The following FBXW7 variants were observed in gnomAD, a reference collection of about 807,000 sequenced individuals.
The protein encoded by FBXW7 is F-box and WD repeat domain containing 7, also known as F-box/WD repeat-containing protein 7.
Under a neutral mutation model 86.3 loss-of-function variants are expected in FBXW7, and 11 were observed. The ratio of observed to expected loss-of-function variants is 0.13; its 90% CI spans 0.08 to 0.21. The LOEUF (loss-of-function observed/expected upper bound fraction) is 0.21, where lower values mean the gene tolerates loss of function less well. FBXW7 is among the 10% of genes least tolerant of loss of function. The probability of loss-of-function intolerance (pLI) is 1.00; values close to 1 mark genes in which losing one functional copy is unlikely to be tolerated. For missense variants in FBXW7, 488 were observed against 847.4 expected, an observed-to-expected ratio of 0.58 and a Z score of 5.27; for synonymous variants, 313 against 297.9, an observed-to-expected ratio of 1.05 and a Z score of -0.52.
intron 4 of FBXW7, among the ~76,000 whole-genome samples, chr4:152,377,063 A>AGCAAT (rs2126761378): frequency 6.6e-6 from 1 of 152,352 alleles, no homozygotes; most frequent in Non-Finnish European, 1.5e-5. Flanking sequence ...CAATGTCAAC[A>AGCAAT]GCAATAGGCC....
At chr4:152,530,136 C>T (rs1328213653) in intron 2 of FBXW7, 5 of 147,482 alleles carry the variant, frequency 3.4e-5, no homozygotes, top group Admixed American at 2.0e-4. Context: ...TATATATATA[C>T]GTATATATAT....
At chr4:152,424,151 G>A (rs867994774) in intron 2 of FBXW7, among the ~76,000 whole-genome samples, 15 of 152,062 alleles carry the variant, frequency 9.9e-5, no homozygotes, top group African/African-American at 3.6e-4. Flanking sequence ...ACAGGTGAAA[G>A]CCACCGTACC....
At chr4:152,507,893 G>GA (rs540341471) in intron 2 of FBXW7, among the ~76,000 whole-genome samples, 2,258 of 140,692 alleles carry the variant, frequency 0.016, 45 homozygotes, top group East Asian at 0.046. Context: ...CTCTATTGGA[G>GA]AAAAAAAAAA....
At chr4:152,375,348 C>T (rs967448216) in intron 4 of FBXW7, among the ~76,000 whole-genome samples, 6 of 151,988 alleles carry the variant, frequency 3.9e-5, no homozygotes, top group Non-Finnish European at 7.4e-5. Flanking sequence ...AACCATAAGA[C>T]TCTCCATATA....
At chr4:152,361,267 C>A (rs1283841926) in intron 4 of FBXW7, among the ~76,000 whole-genome samples, 3 of 151,888 alleles carry the variant, frequency 2.0e-5, no homozygotes, top group Non-Finnish European at 4.4e-5. Context: ...AGTAATCAGG[C>A]CCCCACTACA....
At chr4:152,376,838 A>C (rs1211063061) in intron 4 of FBXW7, among the ~76,000 whole-genome samples, 1 of 152,126 alleles carries the variant, frequency 6.6e-6, no homozygotes, top group Non-Finnish European at 1.5e-5. Context: ...CCCTCAGTTT[A>C]CAAAAAGACA....
chr4:152,480,708 G>A (rs1184285474), intron 2 of FBXW7, among the ~76,000 whole-genome samples: 1 of 152,174 alleles, frequency 6.6e-6, no homozygotes, highest in Non-Finnish European at 1.5e-5. Context: ...TGCTAATATG[G>A]ACAAAGGTTT....
chr4:152,465,284 GCA>G (rs1456492159), intron 2 of FBXW7, among the ~76,000 whole-genome samples: 1 of 151,962 alleles, frequency 6.6e-6, no homozygotes, highest in African/African-American at 2.4e-5. Flanking sequence ...ATGATAGTAA[GCA>G]CACAGAACAA....
At chr4:152,402,819 C>T (rs1343980472) in intron 4 of FBXW7, among the ~76,000 whole-genome samples, 3 of 152,210 alleles carry the variant, frequency 2.0e-5, no homozygotes, top group Non-Finnish European at 4.4e-5. Context: ...ATGAAAAGAG[C>T]TGTCACTGCT....
At position 152,332,839 on chromosome 4, in the gene FBXW7, TA is replaced by T. The variant is rs559310260; in HGVS notation, c.862-121del. Reference sequence around the variant, plus strand: ...AAATATAATTCTGCACTCTGATTTCTAAAATTATGAAAGGCAGTAACTTCAG... The same window carrying T: ...AAATATAATTCTGCACTCTGATTTCTAAATTATGAAAGGCAGTAACTTCAG... On this transcript the variant is annotated intron_variant, in intron 7 of 13. Coordinates refer to ENST00000281708, the MANE Select transcript of FBXW7 (RefSeq NM_001349798.2). 2.4e-3 allele frequency: 982 copies of T among 410,544 alleles called. 2 individuals carry two copies. The highest frequency in any genetic ancestry group is 3.1e-3 in the Non-Finnish European group (908 of 288,518). The allele number at this position is 410,544 out of a possible 1,614,324, so 25.4% of individuals were successfully genotyped here. A position where few individuals can be genotyped will look rare whatever the true frequency, so the allele number is the denominator to read the frequency against.
At chr4:152,410,083 G>A (rs1372811501) in intron 4 of FBXW7, among the ~76,000 whole-genome samples, 1 of 151,818 alleles carries the variant, frequency 6.6e-6, no homozygotes, top group African/African-American at 2.4e-5. Flanking sequence ...AGCTTTTTTT[G>A]CTTTTAATTT....
chr4:152,475,914 C>T (rs1386207678), intron 2 of FBXW7, among the ~76,000 whole-genome samples: 2 of 152,134 alleles, frequency 1.3e-5, no homozygotes, highest in African/African-American at 4.8e-5. Context: ...TCAGTCTCCT[C>T]AGACTGACAT....
chr4:152,347,487 TA>T (rs1482342917), intron 5 of FBXW7, among the ~76,000 whole-genome samples: 1 of 152,176 alleles, frequency 6.6e-6, no homozygotes, highest in Non-Finnish European at 1.5e-5. Context: ...ATTAAAGCTT[TA>T]AAAAACTCAG....
At chr4:152,532,297 TATAGCCCTGG>T (rs1228884128) in intron 2 of FBXW7, among the ~76,000 whole-genome samples, 1 of 152,212 alleles carries the variant, frequency 6.6e-6, no homozygotes, top group African/African-American at 2.4e-5. Context: ...CCTCCTTCTG[TATAGCCCTGG>T]ATAGCCACGA....
At chr4:152,409,409 C>T (rs1487856790) in intron 4 of FBXW7, among the ~76,000 whole-genome samples, 4 of 152,012 alleles carry the variant, frequency 2.6e-5, no homozygotes, top group African/African-American at 7.2e-5. Flanking sequence ...CTAGTGAGAG[C>T]TTCTATTTAT....
intron 2 of FBXW7, among the ~76,000 whole-genome samples, chr4:152,506,385 C>T (rs1747431396): frequency 6.6e-6 from 1 of 152,242 alleles, no homozygotes; most frequent in Non-Finnish European, 1.5e-5. Context: ...CCCGCCTCAG[C>T]CTCCCAAAGT....
intron 7 of FBXW7, among the ~76,000 whole-genome samples, chr4:152,333,312 T>C (rs1729748551): frequency 6.6e-6 from 1 of 152,172 alleles, no homozygotes; most frequent in African/African-American, 2.4e-5. Flanking sequence ...TGAGTTCTGA[T>C]TACCTTATAT....
At chr4:152,341,827 G>A (rs114701926) in intron 6 of FBXW7, among the ~76,000 whole-genome samples, 2,091 of 152,240 alleles carry the variant, frequency 0.014, 27 homozygotes, top group Middle Eastern at 0.037. Context: ...GTGTGCGCGC[G>A]CATGCATGTG....
intron 2 of FBXW7, among the ~76,000 whole-genome samples, chr4:152,466,216 C>CTAT (rs1743418407): frequency 6.6e-6 from 1 of 152,094 alleles, no homozygotes; most frequent in South Asian, 2.1e-4. Flanking sequence ...GATCACATAA[C>CTAT]GTCACATAAC....
Sources: gnomAD v4.1 joint callset for allele counts (sites outside exome capture counted in the v4.1 genomes callset) on GRCh38, gnomAD v4.1.1 for gene constraint, MANE v1.5 for transcripts, NCBI Gene and HGNC (gene_info 2026-07-23, HGNC 2026-07-21) for gene names.